Variants in ACSS3 observed in about 807,000 individuals in gnomAD.
The protein encoded by ACSS3 is acyl-CoA synthetase short-chain family member 3, mitochondrial.
ACSS3 carries 64 observed loss-of-function variants against 84.2 expected under a neutral mutation model. That is an observed-to-expected ratio of 0.76 (90% CI 0.62 to 0.94). The LOEUF is 0.94. Ranked by LOEUF, ACSS3 falls within the 40% of genes least tolerant of loss-of-function variation. ACSS3 has a pLI of 0.00. For synonymous variants in ACSS3, 317 were observed against 310.1 expected, an observed-to-expected ratio of 1.02 and a Z score of -0.23; for missense variants, 815 against 867.6, an observed-to-expected ratio of 0.94 and a Z score of 0.76.
Position 81,164,525 on chromosome 12 carries a change from A to T in ACSS3, c.1099-10263A>T, listed in dbSNP as rs1045415802. ...AGCCATTTCCAAATATGCAAGTCTC[A>T]TATTTGAAAATATTGAGGGTAGGAA... is the stretch of plus-strand genomic sequence containing the variant. On this transcript the variant is annotated intron_variant, in intron 7 of 15. Coordinates refer to ENST00000548058, the MANE Select transcript of ACSS3 (RefSeq NM_024560.4). 3.3e-5 allele frequency among the ~76,000 whole-genome samples: 5 copies of T among 152,208 alleles called. No homozygotes were observed. The East Asian group carries it at 9.6e-4, about 29-fold the overall frequency.
intron 2 of ACSS3, among the ~76,000 whole-genome samples, chr12:81,119,864 C>T (rs1884421843): frequency 6.6e-6 from 1 of 152,132 alleles, no homozygotes; most frequent in Non-Finnish European, 1.5e-5. Flanking sequence ...ACATCCTCAG[C>T]TTATGAAGAT....
At chr12:81,238,124 T>G (rs1339231532) in intron 13 of ACSS3, among the ~76,000 whole-genome samples, 1 of 151,820 alleles carries the variant, frequency 6.6e-6, no homozygotes, top group East Asian at 1.9e-4. Flanking sequence ...TATGATCATG[T>G]AATTTTTCTT....
intron 8 of ACSS3, among the ~76,000 whole-genome samples, chr12:81,197,782 T>C (rs912148432): frequency 3.9e-5 from 6 of 152,182 alleles, no homozygotes; most frequent in African/African-American, 7.2e-5. Context: ...CTTTTTCTTA[T>C]GTGACTTCTA....
chr12:81,225,880 T>C (rs1188795466), intron 11 of ACSS3, among the ~76,000 whole-genome samples: 2 of 151,900 alleles, frequency 1.3e-5, no homozygotes, highest in Non-Finnish European at 2.9e-5. Flanking sequence ...AACAAGGCAA[T>C]TGAATAATTC....
intron 2 of ACSS3, chr12:81,124,635 C>T (rs1305236523): frequency 2.0e-5 from 3 of 152,108 alleles, no homozygotes; most frequent in Admixed American, 2.0e-4. Context: ...GAGTAAGTTT[C>T]TCTTTTACTC....
intron 8 of ACSS3, among the ~76,000 whole-genome samples, chr12:81,185,286 G>T (rs1385545301): frequency 6.6e-6 from 1 of 151,632 alleles, no homozygotes; most frequent in Non-Finnish European, 1.5e-5. Context: ...CTAAGATCTG[G>T]TAAGGCAAGG....
intron 5 of ACSS3, among the ~76,000 whole-genome samples, chr12:81,148,559 CTA>C (rs1201984752): frequency 6.6e-6 from 1 of 152,132 alleles, no homozygotes; most frequent in African/African-American, 2.4e-5. Flanking sequence ...GCTTCCATTG[CTA>C]TGTCTGAGAT....
intron 8 of ACSS3, among the ~76,000 whole-genome samples, chr12:81,177,713 A>G (rs1265522281): frequency 1.3e-5 from 2 of 152,216 alleles, no homozygotes; most frequent in South Asian, 2.1e-4. Context: ...ACATGAAAAA[A>G]TGCTCACCAT....
intron 11 of ACSS3, among the ~76,000 whole-genome samples, chr12:81,225,305 A>G (rs1197734463): frequency 6.6e-6 from 1 of 151,896 alleles, no homozygotes; most frequent in African/African-American, 2.4e-5. Flanking sequence ...CTCAATATCC[A>G]AATTACCACA....
At position 81,152,039 on chromosome 12, in the gene ACSS3, A is replaced by T. The variant is rs1354287403; in HGVS notation, c.1041A>T (p.Gly347=). ...WAASDLGWVV[G]HSYICYGPLL... ...CTTCTGACTTAGGCTGGGTTGTTGG[A>T]CATTCCTATATCTGCTATGGACCTC... The change falls in exon 7 of 16, where the codon GGA becomes GGT. Residue 347 remains glycine (G), a synonymous_variant. Coordinates refer to ENST00000548058, the MANE Select transcript of ACSS3 (RefSeq NM_024560.4). 1 of 1,613,680 alleles carries T rather than the reference A, an allele frequency of 6.2e-7. No homozygotes were observed. Among genetic ancestry groups the T allele is most frequent in the South Asian group, 1.1e-5 (1 of 91,010 alleles).
intron 13 of ACSS3, among the ~76,000 whole-genome samples, chr12:81,252,068 G>A (rs897193879): frequency 6.6e-6 from 1 of 151,914 alleles, no homozygotes; most frequent in Admixed American, 6.6e-5. Context: ...AGGTATGAAT[G>A]GTGCCTATGA....
intron 11 of ACSS3, among the ~76,000 whole-genome samples, chr12:81,226,990 CAT>C (rs1491018997): frequency 1.4e-3 from 161 of 111,788 alleles, no homozygotes; most frequent in African/African-American, 1.1e-3. Context: ...CACACACACA[CAT>C]ATATATATAC....
chr12:81,197,781 A>G (rs2031906067), intron 8 of ACSS3, among the ~76,000 whole-genome samples: 1 of 152,070 alleles, frequency 6.6e-6, no homozygotes, highest in Non-Finnish European at 1.5e-5. Context: ...ACTTTTTCTT[A>G]TGTGACTTCT....
chr12:81,101,643 T>A (rs1463301936), intron 1 of ACSS3, among the ~76,000 whole-genome samples: 3 of 152,174 alleles, frequency 2.0e-5, no homozygotes, highest in South Asian at 4.1e-4. Flanking sequence ...ATTTAAAATA[T>A]TAATAGATAC....
chr12:81,097,362 TC>T (rs1311233826), intron 1 of ACSS3, among the ~76,000 whole-genome samples: 1 of 152,208 alleles, frequency 6.6e-6, no homozygotes, highest in East Asian at 1.9e-4. Context: ...AATAATGTTT[TC>T]TTTGCACAAA....
At chr12:81,207,093 G>A (rs895100110) in intron 9 of ACSS3, among the ~76,000 whole-genome samples, 1 of 152,088 alleles carries the variant, frequency 6.6e-6, no homozygotes, top group Non-Finnish European at 1.5e-5. Context: ...AGTTGTTTTG[G>A]CCTTTGAAAT....
At chr12:81,118,225 G>T (rs1303319175) in intron 2 of ACSS3, among the ~76,000 whole-genome samples, 1 of 152,076 alleles carries the variant, frequency 6.6e-6, no homozygotes, top group Non-Finnish European at 1.5e-5. Flanking sequence ...GCTAAAATAA[G>T]GACGTGCAGT....
chr12:81,132,239 T>C (rs1885551314), intron 2 of ACSS3, among the ~76,000 whole-genome samples: 1 of 152,210 alleles, frequency 6.6e-6, no homozygotes, highest in Non-Finnish European at 1.5e-5. Flanking sequence ...AGAATTTGGC[T>C]GTGAATCTGT....
rs553511938 is a variant in ACSS3 at position 81,259,525 on chromosome 12, C to T, written c.*4603C>T. ...ATCAAATGTAATATCTGACTCCCCC[C>T]AAAAATCACATTTTTCAGCTTTTAA... is the stretch of plus-strand genomic sequence containing the variant. On this transcript the variant is annotated 3_prime_UTR_variant, in exon 16 of 16. Coordinates refer to ENST00000548058, the MANE Select transcript of ACSS3 (RefSeq NM_024560.4). The T allele has an allele frequency of 9.1e-7, 1 of 1,097,198 alleles. No homozygotes were observed. The highest frequency in any genetic ancestry group is 1.3e-6 in the Non-Finnish European group (1 of 761,836). The allele number at this position is 1,097,198 out of a possible 1,614,324, so 68.0% of individuals were successfully genotyped here.
Sources: gnomAD v4.1 joint callset for allele counts (sites outside exome capture counted in the v4.1 genomes callset) on GRCh38, gnomAD v4.1.1 for gene constraint, MANE v1.5 for transcripts, NCBI Gene and HGNC (gene_info 2026-07-23, HGNC 2026-07-21) for gene names.